Variants in VPS37A observed in about 807,000 individuals in gnomAD.
VPS37A encodes vacuolar protein sorting-associated protein 37A.
In VPS37A, 30 loss-of-function variants were observed where a neutral mutation model predicts 49.8. The ratio of observed to expected loss-of-function variants is 0.60; its 90% CI spans 0.45 to 0.82. The LOEUF (loss-of-function observed/expected upper bound fraction) is 0.82, where lower values mean the gene tolerates loss of function less well. Among genes scored for constraint, VPS37A ranks in the 40% least tolerant of loss-of-function variants. VPS37A has a pLI of 0.00. For synonymous variants in VPS37A, 195 were observed against 160.6 expected, an observed-to-expected ratio of 1.21 and a Z score of -1.62; for missense variants, 593 against 464.4, an observed-to-expected ratio of 1.28 and a Z score of -2.55.
chr8:17,305,626 A>G, downstream of VPS37A: 1 of 697,070 alleles, frequency 1.4e-6, no homozygotes, highest in South Asian at 2.1e-5. Context: ...AAAAGAAAAT[A>G]AAACTAATCT....
intron 11 of VPS37A, among the ~76,000 whole-genome samples, chr8:17,287,814 G>C (rs540966960): frequency 6.6e-6 from 1 of 152,134 alleles, no homozygotes; most frequent in East Asian, 1.9e-4. Flanking sequence ...AACTGACCCA[G>C]TATGGGCAAG....
the VPS37A span, among the ~76,000 whole-genome samples, chr8:17,333,100 A>G: frequency 2.6e-5 from 4 of 152,146 alleles, no homozygotes; most frequent in African/African-American, 9.7e-5. Flanking sequence ...TCACATTTCA[A>G]TAGCAGCCCT....
At chr8:17,319,831 G>T in the VPS37A span, among the ~76,000 whole-genome samples, 1 of 151,990 alleles carries the variant, frequency 6.6e-6, no homozygotes, top group African/African-American at 2.4e-5. Context: ...TCATAATTCA[G>T]CAGGAACCAA....
At chr8:17,312,489 C>T in the VPS37A span, among the ~76,000 whole-genome samples, 1 of 147,064 alleles carries the variant, frequency 6.8e-6, no homozygotes, top group South Asian at 2.1e-4. Flanking sequence ...ACAGAAGAAT[C>T]GCTTGAACCT....
At chr8:17,326,967 C>T in the VPS37A span, among the ~76,000 whole-genome samples, 2 of 152,204 alleles carry the variant, frequency 1.3e-5, no homozygotes, top group Non-Finnish European at 2.9e-5. Flanking sequence ...TCAGTCTTAT[C>T]TTTCCTTGGT....
intron 1 of VPS37A, among the ~76,000 whole-genome samples, chr8:17,251,272 T>C (rs1811948508): frequency 6.6e-6 from 1 of 152,166 alleles, no homozygotes; most frequent in Non-Finnish European, 1.5e-5. Flanking sequence ...TTCTCAGCAA[T>C]AGTAACAAAT....
intron 6 of VPS37A, among the ~76,000 whole-genome samples, chr8:17,277,006 G>C (rs984866511): frequency 6.6e-6 from 1 of 151,824 alleles, no homozygotes; most frequent in African/African-American, 2.4e-5. Context: ...ATTCAGTTTT[G>C]GGAAGCACTG....
rs1208062276 is a variant in VPS37A at position 17,281,459 on chromosome 8, CA to C, written c.969+1017del. Among the ~76,000 whole-genome samples the C allele has an allele frequency of 1.6e-4, 24 of 152,094 alleles. No individual in the cohort carries two copies. The South Asian group carries it at 5.0e-3, about 32-fold the overall frequency. The stretch of plus-strand genomic sequence containing the variant: ...AAGAAGCTTTCATAGTACTCAACAT[CA>C]TTCTTTATACAAACTCTTAGTAAAC... On this transcript the variant is annotated intron_variant, in intron 9 of 11. Transcript: ENST00000324849.
At chr8:17,261,900 A>G (rs541796222) in intron 1 of VPS37A, among the ~76,000 whole-genome samples, 1 of 152,152 alleles carries the variant, frequency 6.6e-6, no homozygotes, top group African/African-American at 2.4e-5. Context: ...TGAGGATGGT[A>G]GTCTTGCCTC....
In VPS37A at chr8:17,249,065, C is replaced by A. The variant is rs76828863; in HGVS notation, c.125+1696C>A. 4.1e-3 allele frequency among the ~76,000 whole-genome samples: 618 copies of A among 152,258 alleles called. 7 individuals carry two copies. Among genetic ancestry groups the A allele is most frequent in the African/African-American group, 0.014 (590 of 41,542 alleles). The stretch of plus-strand genomic sequence containing the variant: ...CTATTGCAGAAACACTTTTTTAGAA[C>A]CACACTTTTGGAATTAATTGCTTTT... On this transcript the variant is annotated intron_variant, in intron 1 of 11. Transcript: ENST00000324849.
At chr8:17,257,263 C>T (rs947882404) in intron 1 of VPS37A, among the ~76,000 whole-genome samples, 1 of 152,028 alleles carries the variant, frequency 6.6e-6, no homozygotes, top group African/African-American at 2.4e-5. Context: ...TTGTTTTGCT[C>T]CATTGGTCTG....
the VPS37A span, among the ~76,000 whole-genome samples, chr8:17,319,804 C>T: frequency 6.6e-6 from 1 of 152,148 alleles, no homozygotes; most frequent in Non-Finnish European, 1.5e-5. Context: ...GCCTCTCAAC[C>T]TCAGGTTGGT....
the VPS37A span, among the ~76,000 whole-genome samples, chr8:17,332,027 A>G: frequency 6.6e-6 from 1 of 151,960 alleles, no homozygotes; most frequent in Non-Finnish European, 1.5e-5. Flanking sequence ...CTGCGTGGCT[A>G]AAATCAAGAA....
rs1038573066 is a variant in VPS37A, at chr8:17,297,284, G to C, written c.*2298G>C. The C allele has an allele frequency of 1.3e-5, 2 of 151,900 alleles. No homozygotes were observed. Among genetic ancestry groups the C allele is most frequent in the African/African-American group, 4.8e-5 (2 of 41,388 alleles). The allele number at this position is 151,900 out of a possible 1,614,324, so 9.4% of individuals were successfully genotyped here. On this transcript the variant is annotated 3_prime_UTR_variant, in exon 12 of 12. Transcript: ENST00000324849. ...AAGAAAATTCTAAATCAATCAATCA[G>C]TGAGATATAAACTAAACAGACCCAC...
At chr8:17,272,538 A>G (rs1814091348) in intron 4 of VPS37A, among the ~76,000 whole-genome samples, 1 of 152,202 alleles carries the variant, frequency 6.6e-6, no homozygotes, top group Non-Finnish European at 1.5e-5. Flanking sequence ...ATTAAAAATC[A>G]AGTTTGATGC....
chr8:17,311,486 G>A, the VPS37A span: 3 of 1,613,668 alleles, frequency 1.9e-6, no homozygotes, highest in Non-Finnish European at 2.5e-6. Flanking sequence ...ACCGCCTGTG[G>A]GAATCGCCCA....
At chr8:17,325,128 C>A in the VPS37A span, among the ~76,000 whole-genome samples, 1 of 152,028 alleles carries the variant, frequency 6.6e-6, no homozygotes. Flanking sequence ...TCGGAACCGA[C>A]AGCCACAGCC....
chr8:17,253,147 T>A (rs955170268), intron 1 of VPS37A, among the ~76,000 whole-genome samples: 1 of 152,170 alleles, frequency 6.6e-6, no homozygotes, highest in South Asian at 2.1e-4. Context: ...AGGCAGTCAT[T>A]TCTCCATTGC....
chr8:17,318,342 C>G, the VPS37A span, among the ~76,000 whole-genome samples: 1 of 152,120 alleles, frequency 6.6e-6, no homozygotes, highest in African/African-American at 2.4e-5. Context: ...ACAGAAAAAG[C>G]TGGGCTGAAG....
Sources: gnomAD v4.1 joint callset for allele counts (sites outside exome capture counted in the v4.1 genomes callset) on GRCh38, gnomAD v4.1.1 for gene constraint, MANE v1.5 for transcripts, NCBI Gene and HGNC (gene_info 2026-07-23, HGNC 2026-07-21) for gene names.